SHCBP1L: variants seen among roughly 807,000 people sequenced by gnomAD.
SHCBP1L encodes the protein SHC binding and spindle associated 1 like.
Under a neutral mutation model 62.5 loss-of-function variants are expected in SHCBP1L, and 67 were observed. The observed-to-expected ratio is 1.07, with a 90% CI of 0.88 to 1.31. SHCBP1L has a LOEUF of 1.31. SHCBP1L is among the 40% of genes most tolerant of loss of function. The pLI is 0.00. For missense variants in SHCBP1L, 823 were observed against 809.8 expected, an observed-to-expected ratio of 1.02 and a Z score of -0.20; for synonymous variants, 284 against 289.4, an observed-to-expected ratio of 0.98 and a Z score of 0.19.
chr1:182,909,028 C>G (rs1184735764), intron 6 of SHCBP1L, among the ~76,000 whole-genome samples: 1 of 152,162 alleles, frequency 6.6e-6, no homozygotes, highest in Non-Finnish European at 1.5e-5. Flanking sequence ...CAGCAACCTA[C>G]AAACTCATTT....
At chr1:182,927,534 T>G (rs981948772) in intron 6 of SHCBP1L, among the ~76,000 whole-genome samples, 42 of 151,596 alleles carry the variant, frequency 2.8e-4, no homozygotes, top group Non-Finnish European at 6.2e-4. Context: ...TAGCCGGGCG[T>G]AGTGGCGGGC....
At chr1:182,935,302 A>G (rs957736937) in intron 5 of SHCBP1L, among the ~76,000 whole-genome samples, 1 of 152,194 alleles carries the variant, frequency 6.6e-6, no homozygotes, top group Admixed American at 6.5e-5. Flanking sequence ...GGGTCTTCCA[A>G]TCCAAGAACA....
At chr1:182,951,982 C>G in intron 1 of SHCBP1L, 1 of 311,404 alleles carries the variant, frequency 3.2e-6, no homozygotes, top group Non-Finnish European at 6.7e-6. Flanking sequence ...GGAGAAACCC[C>G]ATCTGTACTA....
At chr1:182,930,564 T>TATATACAC in intron 5 of SHCBP1L, among the ~76,000 whole-genome samples, 1 of 81,338 alleles carries the variant, frequency 1.2e-5, no homozygotes, top group East Asian at 3.1e-4. Flanking sequence ...TATATATATA[T>TATATACAC]ATATATATAT....
At chr1:182,943,994 G>A (rs954977821) in intron 2 of SHCBP1L, among the ~76,000 whole-genome samples, 1 of 151,058 alleles carries the variant, frequency 6.6e-6, no homozygotes, top group Non-Finnish European at 1.5e-5. Context: ...GGTGGTGCGT[G>A]CCTGTAATGC....
intron 2 of SHCBP1L, among the ~76,000 whole-genome samples, chr1:182,940,973 T>G (rs547308077): frequency 2.3e-4 from 35 of 152,162 alleles, no homozygotes; most frequent in Non-Finnish European, 4.9e-4. Context: ...TACCTCAGCC[T>G]CCTCAGGACC....
intron 8 of SHCBP1L, 30 bp downstream of exon 8, chr1:182,904,150 T>C: frequency 1.9e-6 from 3 of 1,609,772 alleles, no homozygotes; most frequent in East Asian, 2.2e-5. Context: ...TATAGTCATA[T>C]AAGGCCATAC....
chr1:182,927,880 C>CA (rs966010611), intron 6 of SHCBP1L, among the ~76,000 whole-genome samples: 9 of 150,792 alleles, frequency 6.0e-5, no homozygotes, highest in Middle Eastern at 3.2e-3. Flanking sequence ...AAGCACTGAA[C>CA]AAAAAAAATC....
intron 2 of SHCBP1L, among the ~76,000 whole-genome samples, chr1:182,946,099 C>A (rs1181792210): frequency 6.6e-6 from 1 of 151,628 alleles, no homozygotes; most frequent in Admixed American, 6.6e-5. Context: ...ATGTCTGATG[C>A]CATTCTACCT....
At chr1:182,943,846 G>T (rs1360129048) in intron 2 of SHCBP1L, among the ~76,000 whole-genome samples, 1 of 151,832 alleles carries the variant, frequency 6.6e-6, no homozygotes, top group Non-Finnish European at 1.5e-5. Flanking sequence ...CAGGCTGGGT[G>T]CGGTGGCTCA....
chr1:182,952,175 A>T (rs1651771218), intron 1 of SHCBP1L, among the ~76,000 whole-genome samples: 1 of 41,958 alleles, frequency 2.4e-5, no homozygotes, highest in African/African-American at 1.0e-4. Context: ...AAAAAAAAAA[A>T]AAAAAAAAAA....
intron 6 of SHCBP1L, among the ~76,000 whole-genome samples, chr1:182,923,347 T>C (rs1449849169): frequency 6.6e-6 from 1 of 152,066 alleles, no homozygotes; most frequent in Non-Finnish European, 1.5e-5. Flanking sequence ...TTCCAAAACA[T>C]TCCTCCCTAA....
At position 182,951,434 on chromosome 1, in the gene SHCBP1L, G is replaced by A; in HGVS notation, c.439C>T (p.Leu147=). Residue 147 remains leucine, a synonymous_variant, in exon 2 of 10, where the codon CTA becomes TTA. Coordinates refer to ENST00000367547, the MANE Select transcript of SHCBP1L (RefSeq NM_030933.4). ...EDADEVMGKY[L]SEKLKLKDKW... is the part of the protein sequence containing the mutation. Reference sequence around the variant, plus strand: ...TCTTTCAACTTTAATTTTTCTGATAGGTATTTACCCATAACTTCATCAGCA... The same window carrying A: ...TCTTTCAACTTTAATTTTTCTGATAAGTATTTACCCATAACTTCATCAGCA... 1 of 1,605,024 alleles carries A rather than the reference G, an allele frequency of 6.2e-7. No individual in the cohort carries two copies. Among genetic ancestry groups the A allele is most frequent in the Non-Finnish European group, 8.5e-7 (1 of 1,175,432 alleles).
chr1:182,953,018 G>A lies in SHCBP1L; in HGVS notation c.116C>T (p.Thr39Ile), dbSNP rs1423166530. The change falls in exon 1 of 10, where the codon ACC becomes ATC. Residue 39 changes from threonine (T) to isoleucine (I), a missense_variant. Physicochemically the swap from Thr to Ile is moderately conservative, Grantham distance 89. Coordinates refer to ENST00000367547, the MANE Select transcript of SHCBP1L (RefSeq NM_030933.4). ...AVSGDTAAATTLKGTAIPVRS... is the reference protein window; with the variant it reads ...AVSGDTAAATILKGTAIPVRS... ...CACTGGGATCGCGGTGCCCTTCAGG[G>A]TGGTCGCGGCCGCCGTGTCCCCGGA... 2 of 1,542,782 alleles carry A rather than the reference G, an allele frequency of 1.3e-6. No individual in the cohort carries two copies. The highest frequency in any genetic ancestry group is 3.9e-5 in the Admixed American group (2 of 51,790).
At chr1:182,935,721 T>C (rs933535998) in intron 5 of SHCBP1L, among the ~76,000 whole-genome samples, 6 of 152,182 alleles carry the variant, frequency 3.9e-5, no homozygotes, top group Non-Finnish European at 2.9e-5. Context: ...TTGTTACATC[T>C]TCCTGGAGAA....
At chr1:182,900,882 G>GA (rs1041517249) in intron 9 of SHCBP1L, among the ~76,000 whole-genome samples, 2 of 149,008 alleles carry the variant, frequency 1.3e-5, no homozygotes, top group Non-Finnish European at 3.0e-5. Context: ...AAAAGAAAAA[G>GA]AAAAAAAAAG....
rs1651741367 is a variant in SHCBP1L at position 182,951,433 on chromosome 1, A to G, written c.440T>C (p.Leu147Pro). 1.2e-6 allele frequency: 2 copies of G among 1,609,070 alleles called. No homozygotes were observed. Among genetic ancestry groups the G allele is most frequent in the Non-Finnish European group, 1.7e-6 (2 of 1,177,298 alleles). Residue 147 changes from leucine to proline, a missense_variant, in exon 2 of 10, where the codon CTA becomes CCA. Physicochemically the swap from Leu to Pro is moderately conservative, Grantham distance 98. Coordinates refer to ENST00000367547, the MANE Select transcript of SHCBP1L (RefSeq NM_030933.4). Reference protein sequence around the residue: ...EDADEVMGKYLSEKLKLKDKW... With the variant: ...EDADEVMGKYPSEKLKLKDKW... ...GTCTTTCAACTTTAATTTTTCTGAT[A>G]GGTATTTACCCATAACTTCATCAGC...
At chr1:182,910,227 A>T (rs987327377) in intron 6 of SHCBP1L, among the ~76,000 whole-genome samples, 3 of 152,214 alleles carry the variant, frequency 2.0e-5, no homozygotes, top group Non-Finnish European at 4.4e-5. Context: ...ACAGCAACAA[A>T]GGAAATGCTT....
chr1:182,913,410 C>T (rs965978725), intron 6 of SHCBP1L, among the ~76,000 whole-genome samples: 3 of 152,114 alleles, frequency 2.0e-5, no homozygotes, highest in African/African-American at 4.8e-5. Context: ...TGCTGGAGAA[C>T]TGATTGATTA....
Sources: gnomAD v4.1 joint callset for allele counts (sites outside exome capture counted in the v4.1 genomes callset) on GRCh38, gnomAD v4.1.1 for gene constraint, MANE v1.5 for transcripts, NCBI Gene and HGNC (gene_info 2026-07-23, HGNC 2026-07-21) for gene names.